Variants in VPS50 observed in about 807,000 individuals in gnomAD.
VPS50 encodes the protein VPS50 subunit of EARP/GARPII complex.
Under a neutral mutation model 139.7 loss-of-function variants are expected in VPS50, and 70 were observed. That is an observed-to-expected ratio of 0.50 (90% CI 0.41 to 0.61). The LOEUF (loss-of-function observed/expected upper bound fraction) is 0.61, where lower values mean the gene tolerates loss of function less well. VPS50 is among the 20% of genes least tolerant of loss of function. The pLI is 0.00. For synonymous variants in VPS50, 365 were observed against 376.7 expected (o/e 0.97, Z 0.36); for missense variants, 921 against 1,133.7 (o/e 0.81, Z 2.69).
intron 13 of VPS50, among the ~76,000 whole-genome samples, chr7:93,292,300 T>A (rs1360532533): frequency 6.6e-6 from 1 of 152,112 alleles, no homozygotes; most frequent in Non-Finnish European, 1.5e-5. Context: ...GAATTTCATT[T>A]TCAAAATGAT....
At chr7:93,261,941 T>C (rs1180622275) in intron 9 of VPS50, among the ~76,000 whole-genome samples, 11 of 152,156 alleles carry the variant, frequency 7.2e-5, no homozygotes, top group Admixed American at 2.6e-4. Flanking sequence ...AACAAAGAAG[T>C]CATAGTTGAC....
At chr7:93,324,234 C>G (rs1797702468) in intron 21 of VPS50, among the ~76,000 whole-genome samples, 1 of 152,156 alleles carries the variant, frequency 6.6e-6, no homozygotes. Context: ...CATCTGCAAA[C>G]AGGGACAATT....
At chr7:93,340,392 G>A (rs1392307101) in intron 22 of VPS50, among the ~76,000 whole-genome samples, 1 of 152,190 alleles carries the variant, frequency 6.6e-6, no homozygotes, top group Non-Finnish European at 1.5e-5. Flanking sequence ...AGCCAGCCTT[G>A]TGCATCTTTA....
intron 17 of VPS50, among the ~76,000 whole-genome samples, chr7:93,305,114 G>A (rs1021440568): frequency 1.3e-5 from 2 of 151,826 alleles, no homozygotes; most frequent in African/African-American, 4.8e-5. Context: ...CAAGATTTTT[G>A]TAATTCAAAG....
At chr7:93,338,853 A>C (rs1168518532) in intron 22 of VPS50, among the ~76,000 whole-genome samples, 1 of 152,160 alleles carries the variant, frequency 6.6e-6, no homozygotes, top group Non-Finnish European at 1.5e-5. Flanking sequence ...GATGCTAGAG[A>C]CAGAGCTCTC....
chr7:93,320,253 A>G (rs1283774896), intron 20 of VPS50: 1 of 150,664 alleles, frequency 6.6e-6, no homozygotes, highest in Admixed American at 6.6e-5. Context: ...GATTCTCTAA[A>G]TCCCAGAATA....
intron 19 of VPS50, among the ~76,000 whole-genome samples, 172 bp downstream of exon 19, chr7:93,309,114 T>G (rs1797195932): frequency 6.6e-6 from 1 of 152,032 alleles, no homozygotes; most frequent in African/African-American, 2.4e-5. Context: ...AAAAATGTGT[T>G]GTTCCTCTTA....
intron 23 of VPS50, among the ~76,000 whole-genome samples, chr7:93,346,773 T>C (rs1488691204): frequency 7.3e-6 from 1 of 137,512 alleles, no homozygotes; most frequent in Non-Finnish European, 1.5e-5. Context: ...GCTAGCCATA[T>C]GTAGAAAGCT....
chr7:93,348,149 A>G (rs1375045800), intron 23 of VPS50, among the ~76,000 whole-genome samples: 1 of 152,200 alleles, frequency 6.6e-6, no homozygotes, highest in Non-Finnish European at 1.5e-5. Flanking sequence ...CAGTGCCTGG[A>G]TGCAGTGCAA....
chr7:93,360,446 T>G lies in VPS50; in HGVS notation c.*2010T>G, dbSNP rs1798808286. The G allele has an allele frequency of 7.1e-6, 1 of 140,256 alleles. No individual in the cohort carries two copies. The highest frequency in any genetic ancestry group is 1.5e-5 in the Non-Finnish European group (1 of 65,860). 8.7% of individuals were successfully genotyped at this position (140,256 alleles called of 1,614,324 possible). On this transcript the variant is annotated 3_prime_UTR_variant, in exon 28 of 28. Transcript: ENST00000305866. Reference sequence around the variant, plus strand: ...TTTTTTTCATTAAAAGGTAGCTTAATAAGTGCTAGCTAGCATCAAAACAGT... The same window carrying G: ...TTTTTTTCATTAAAAGGTAGCTTAAGAAGTGCTAGCTAGCATCAAAACAGT...
chr7:93,330,761 C>CAAAAAAA (rs57338525), intron 21 of VPS50, among the ~76,000 whole-genome samples: 1 of 83,696 alleles, frequency 1.2e-5, no homozygotes, highest in Non-Finnish European at 2.1e-5. Context: ...GACCCTGTCT[C>CAAAAAAA]AAAAAAAAAA....
chr7:93,297,099 T>C, intron 15 of VPS50, 46 bp from the exon 16 acceptor site: 2 of 1,539,144 alleles, frequency 1.3e-6, no homozygotes, highest in East Asian at 2.5e-5. Flanking sequence ...TCTTTTTCTC[T>C]ATAAGGCTGC....
chr7:93,300,090 TAAAC>T (rs1796933943), intron 16 of VPS50, among the ~76,000 whole-genome samples: 1 of 152,032 alleles, frequency 6.6e-6, no homozygotes, highest in South Asian at 2.1e-4. Flanking sequence ...TTAGATGAAA[TAAAC>T]AAATTCCTTA....
At chr7:93,298,390 GTA>G (rs995126838) in intron 16 of VPS50, among the ~76,000 whole-genome samples, 1 of 152,128 alleles carries the variant, frequency 6.6e-6, no homozygotes, top group Admixed American at 6.6e-5. Context: ...AAACATTCCT[GTA>G]TAGAAGTGGG....
chr7:93,240,324 C>G (rs1248665238), intron 2 of VPS50, among the ~76,000 whole-genome samples: 1 of 151,514 alleles, frequency 6.6e-6, no homozygotes, highest in Non-Finnish European at 1.5e-5. Context: ...TGACTACTGA[C>G]TTTTTATACT....
At chr7:93,345,245 C>A (rs1489701909) in intron 23 of VPS50, among the ~76,000 whole-genome samples, 1 of 152,170 alleles carries the variant, frequency 6.6e-6, no homozygotes, top group African/African-American at 2.4e-5. Flanking sequence ...TGGATAAATT[C>A]CTCGACACAT....
chr7:93,314,583 G>A (rs2116998628), intron 20 of VPS50, among the ~76,000 whole-genome samples: 1 of 152,282 alleles, frequency 6.6e-6, no homozygotes, highest in South Asian at 2.1e-4. Context: ...GAGCAGGTGT[G>A]ATAGGTCTGA....
intron 14 of VPS50, among the ~76,000 whole-genome samples, chr7:93,296,156 C>T (rs985651662): frequency 1.3e-5 from 2 of 151,730 alleles, no homozygotes; most frequent in African/African-American, 2.4e-5. Context: ...ATTTTGTATT[C>T]GATATGCTAT....
intron 27 of VPS50, among the ~76,000 whole-genome samples, chr7:93,356,707 T>G (rs1798717358): frequency 6.6e-6 from 1 of 152,164 alleles, no homozygotes; most frequent in South Asian, 2.1e-4. Flanking sequence ...CTCAGTGAGC[T>G]TGGTATGGGA....
Sources: gnomAD v4.1 joint callset for allele counts (sites outside exome capture counted in the v4.1 genomes callset) on GRCh38, gnomAD v4.1.1 for gene constraint, MANE v1.5 for transcripts, NCBI Gene and HGNC (gene_info 2026-07-23, HGNC 2026-07-21) for gene names.